Variants in AUTS2 observed in about 807,000 individuals in gnomAD.
AUTS2 encodes the protein autism susceptibility gene 2 protein.
In AUTS2, 17 loss-of-function variants were observed where a neutral mutation model predicts 112.4. The ratio of observed to expected loss-of-function variants is 0.15; its 90% CI spans 0.10 to 0.23. AUTS2 has a LOEUF of 0.23. Ranked by LOEUF, AUTS2 falls within the 10% of genes least tolerant of loss-of-function variation. The pLI is 1.00. For missense variants in AUTS2, 1,510 were observed against 1,701.6 expected (o/e 0.89, Z 1.98); for synonymous variants, 751 against 702.7 (o/e 1.07, Z -1.09).
chr7:69,933,882 C>T (rs1199583228), intron 2 of AUTS2, among the ~76,000 whole-genome samples: 3 of 152,118 alleles, frequency 2.0e-5, no homozygotes, highest in Non-Finnish European at 2.9e-5. Context: ...CATGTGAATA[C>T]ACATAGGATG....
intron 1 of AUTS2, among the ~76,000 whole-genome samples, chr7:69,877,698 G>A (rs1043989812): frequency 6.6e-6 from 1 of 152,092 alleles, no homozygotes; most frequent in South Asian, 2.1e-4. Flanking sequence ...TTACGGGTGA[G>A]AACATGCAGT....
intron 3 of AUTS2, among the ~76,000 whole-genome samples, chr7:70,127,831 C>T (rs887142464): frequency 6.6e-6 from 1 of 152,096 alleles, no homozygotes; most frequent in African/African-American, 2.4e-5. Flanking sequence ...TCAAATCTTC[C>T]CTGGTCTTTG....
intron 5 of AUTS2, among the ~76,000 whole-genome samples, chr7:70,556,421 T>C (rs1801252275): frequency 6.6e-6 from 1 of 152,168 alleles, no homozygotes; most frequent in African/African-American, 2.4e-5. Context: ...TCTTGCAGTA[T>C]TGTTGTGAAA....
intron 4 of AUTS2, among the ~76,000 whole-genome samples, chr7:70,219,464 G>C (rs944616355): frequency 2.0e-5 from 3 of 151,872 alleles, no homozygotes; most frequent in East Asian, 1.9e-4. Flanking sequence ...TGAGTGTATA[G>C]ACATCACAGT....
intron 2 of AUTS2, among the ~76,000 whole-genome samples, chr7:69,930,699 T>A (rs1176768554): frequency 6.6e-6 from 1 of 152,200 alleles, no homozygotes; most frequent in Non-Finnish European, 1.5e-5. Context: ...CTCAAGACCA[T>A]AATTTGTCCT....
intron 4 of AUTS2, among the ~76,000 whole-genome samples, chr7:70,265,062 T>A (rs549962866): frequency 1.3e-5 from 2 of 152,216 alleles, no homozygotes; most frequent in African/African-American, 4.8e-5. Context: ...TCTAATTCCT[T>A]AGGATTAATG....
At chr7:70,584,943 C>T (rs1469591418) in intron 5 of AUTS2, among the ~76,000 whole-genome samples, 1 of 152,244 alleles carries the variant, frequency 6.6e-6, no homozygotes. Flanking sequence ...CCCTGCTTTT[C>T]AAGGTGTTGA....
At chr7:70,439,476 T>A (rs1050835746) in intron 5 of AUTS2, among the ~76,000 whole-genome samples, 1 of 149,798 alleles carries the variant, frequency 6.7e-6, no homozygotes, top group Non-Finnish European at 1.5e-5. Flanking sequence ...GAGGCGGAAG[T>A]TGCAGTGAGC....
chr7:70,567,687 C>G (rs1259659568), intron 5 of AUTS2, among the ~76,000 whole-genome samples: 1 of 152,208 alleles, frequency 6.6e-6, no homozygotes, highest in East Asian at 1.9e-4. Flanking sequence ...AAATGGCCAG[C>G]AGCAATGGCG....
intron 2 of AUTS2, among the ~76,000 whole-genome samples, chr7:70,027,347 C>A (rs1410668777): frequency 6.6e-6 from 1 of 151,994 alleles, no homozygotes; most frequent in Non-Finnish European, 1.5e-5. Context: ...CTTTTATTGG[C>A]CCCTCTTTCT....
At chr7:70,466,565 C>G (rs1797173202) in intron 5 of AUTS2, among the ~76,000 whole-genome samples, 1 of 152,214 alleles carries the variant, frequency 6.6e-6, no homozygotes, top group African/African-American at 2.4e-5. Context: ...ATAGTGTCCA[C>G]TTTCCTGCGA....
At chr7:70,340,062 G>A (rs1364668148) in intron 4 of AUTS2, among the ~76,000 whole-genome samples, 1 of 151,878 alleles carries the variant, frequency 6.6e-6, no homozygotes, top group African/African-American at 2.4e-5. Context: ...CTTATCCTCT[G>A]AGGTCTTGTC....
intron 2 of AUTS2, among the ~76,000 whole-genome samples, chr7:69,956,210 G>A (rs1797202994): frequency 6.6e-6 from 1 of 151,868 alleles, no homozygotes; most frequent in East Asian, 1.9e-4. Context: ...AGGGAGTATG[G>A]GATGAGATGC....
chr7:70,547,357 C>T (rs1156930203), intron 5 of AUTS2, among the ~76,000 whole-genome samples: 1 of 152,150 alleles, frequency 6.6e-6, no homozygotes, highest in African/African-American at 2.4e-5. Context: ...CGGGGTCAAG[C>T]GATTCTCCTG....
At chr7:70,085,918 GT>G (rs1003987060) in intron 2 of AUTS2, among the ~76,000 whole-genome samples, 5 of 138,876 alleles carry the variant, frequency 3.6e-5, no homozygotes, top group Admixed American at 7.1e-5. Context: ...TTTCTTAAGG[GT>G]TGTATAAAAA....
At chr7:70,598,698 A>AGTGG (rs1410514122) in intron 5 of AUTS2, among the ~76,000 whole-genome samples, 2 of 152,166 alleles carry the variant, frequency 1.3e-5, no homozygotes, top group African/African-American at 4.8e-5. Context: ...CTTTCTGACA[A>AGTGG]GTGGGTGTTT....
At chr7:69,943,542 C>T (rs1796703123) in intron 2 of AUTS2, among the ~76,000 whole-genome samples, 1 of 152,054 alleles carries the variant, frequency 6.6e-6, no homozygotes, top group South Asian at 2.1e-4. Context: ...CATATTGATT[C>T]CTGTTATAGT....
intron 1 of AUTS2, among the ~76,000 whole-genome samples, chr7:69,682,263 A>T (rs954305885): frequency 2.5e-4 from 38 of 152,210 alleles, no homozygotes; most frequent in African/African-American, 7.7e-4. Context: ...CAGTTAGAAA[A>T]ACTGAACAGT....
chr7:70,379,240 C>G (rs1793256917), intron 4 of AUTS2, among the ~76,000 whole-genome samples: 1 of 152,122 alleles, frequency 6.6e-6, no homozygotes, highest in Admixed American at 6.5e-5. Flanking sequence ...TGGCTCACGT[C>G]TGTAATCCCA....
Sources: allele counts gnomAD v4.1 joint callset (sites outside exome capture counted in the v4.1 genomes callset), GRCh38; gene constraint gnomAD v4.1.1; transcripts MANE v1.5; gene names NCBI Gene and HGNC (gene_info 2026-07-23, HGNC 2026-07-21).